TACC2: variants seen among roughly 807,000 people sequenced by gnomAD.
The protein encoded by TACC2 is transforming acidic coiled-coil containing protein 2.
TACC2 carries 137 observed loss-of-function variants against 227.3 expected under a neutral mutation model. The ratio of observed to expected loss-of-function variants is 0.60; its 90% CI spans 0.52 to 0.69. TACC2 has a LOEUF of 0.69. Ranked by LOEUF, TACC2 falls within the 30% of genes least tolerant of loss-of-function variation. The probability of loss-of-function intolerance (pLI) is 0.00; values close to 1 mark genes in which losing one functional copy is unlikely to be tolerated. For synonymous variants in TACC2, 1,523 were observed against 1,487.5 expected, an observed-to-expected ratio of 1.02 and a Z score of -0.55; for missense variants, 3,470 against 3,694.4, an observed-to-expected ratio of 0.94 and a Z score of 1.57.
chr10:122,101,932 C>T (rs537566719), intron 5 of TACC2, among the ~76,000 whole-genome samples: 5 of 151,826 alleles, frequency 3.3e-5, no homozygotes, highest in Admixed American at 6.6e-5. Context: ...GGTGCTTACC[C>T]GAGGCCTGCT....
intron 7 of TACC2, chr10:122,192,740 C>T (rs867659923): frequency 2.4e-5 from 11 of 456,548 alleles, no homozygotes; most frequent in East Asian, 2.1e-4. Flanking sequence ...ATGTGGACAG[C>T]GGTGACCAGC....
chr10:122,088,100 CT>C, intron 4 of TACC2, 141 bp downstream of exon 4: 1 of 911,798 alleles, frequency 1.1e-6, no homozygotes, highest in Non-Finnish European at 1.5e-6. Flanking sequence ...AATGAACCTG[CT>C]TACCCCCTCT....
At chr10:122,072,221 C>T (rs2078163755) in intron 3 of TACC2, among the ~76,000 whole-genome samples, 1 of 152,080 alleles carries the variant, frequency 6.6e-6, no homozygotes, top group Non-Finnish European at 1.5e-5. Context: ...TCCCAAAGTG[C>T]TGGGATTACA....
Position 122,194,821 on chromosome 10 carries a change from C to T in TACC2, c.5835-219C>T, listed in dbSNP as rs1183748950. ...GAGAAGCGTGTATTTCCAGTAGAGC[C>T]GAGTTCAAAGAATACATCATTTGTG... is the stretch of plus-strand genomic sequence containing the variant. On this transcript the variant is annotated intron_variant, in intron 7 of 22. Coordinates refer to ENST00000369005, the MANE Select transcript of TACC2 (RefSeq NM_206862.4). The surrounding 1 kb of genome is among the most constrained non-coding windows in gnomAD (Gnocchi z 4.4). Among the ~76,000 whole-genome samples the T allele has an allele frequency of 1.3e-5, 2 of 152,266 alleles. No homozygotes were observed. The highest frequency in any genetic ancestry group is 2.1e-4 in the South Asian group (1 of 4,830).
At chr10:122,068,006 G>T (rs2077574486) in intron 3 of TACC2, among the ~76,000 whole-genome samples, 1 of 152,062 alleles carries the variant, frequency 6.6e-6, no homozygotes, top group Non-Finnish European at 1.5e-5. Context: ...TGTTGTTGTT[G>T]TTATTTCTTT....
chr10:122,107,862 TTATA>T lies in TACC2; in HGVS notation c.5573+19287_5573+19290del, dbSNP rs1280958609. 4.3e-3 allele frequency among the ~76,000 whole-genome samples: 501 copies of T among 116,418 alleles called. 1 individual carries two copies. The highest frequency in any genetic ancestry group is 0.015 in the African/African-American group (484 of 32,664). The allele number at this position is 116,418 out of a possible 152,430, so 76.4% of individuals were successfully genotyped here. A position where few individuals can be genotyped will look rare whatever the true frequency, so the allele number is the denominator to read the frequency against. On this transcript the variant is annotated intron_variant, in intron 5 of 22. Transcript: ENST00000369005. ...CTTTCCCCCAAGACCCCAAAGTCCA[TTATA>T]TATATATATATATATTTTTTTTTTC...
intron 9 of TACC2, among the ~76,000 whole-genome samples, chr10:122,213,938 C>G (rs2095348417): frequency 6.6e-6 from 1 of 152,242 alleles, no homozygotes; most frequent in Non-Finnish European, 1.5e-5. Context: ...TGCCCCAGTC[C>G]TGCATCCTCA....
intron 1 of TACC2, 27 bp from the exon 2 acceptor site, chr10:122,021,910 A>T (rs979457811): frequency 2.9e-5 from 40 of 1,391,156 alleles, no homozygotes; most frequent in Non-Finnish European, 8.2e-6. Flanking sequence ...CATTTCACAG[A>T]CGTTTATACC....
At chr10:122,195,004 C>A in intron 7 of TACC2, 36 bp from the exon 8 acceptor site, 2 of 1,571,504 alleles carry the variant, frequency 1.3e-6, no homozygotes, top group Non-Finnish European at 8.7e-7. Context: ...TGGCTCTGGG[C>A]CCCTGTCTAA....
intron 11 of TACC2, among the ~76,000 whole-genome samples, chr10:122,222,452 A>T (rs1447953308): frequency 1.3e-5 from 2 of 152,172 alleles, no homozygotes; most frequent in Admixed American, 6.5e-5. Flanking sequence ...TCTGGGATTG[A>T]TGGGGAGGAG....
At chr10:121,992,349 G>A (rs1311897477) in intron 1 of TACC2, among the ~76,000 whole-genome samples, 1 of 152,202 alleles carries the variant, frequency 6.6e-6, no homozygotes, top group Non-Finnish European at 1.5e-5. Context: ...AAGTGCTAAT[G>A]TGAAAACACG....
rs369923777 is a variant in TACC2, at chr10:122,246,287, G to T, written c.8393-2356G>T. On this transcript the variant is annotated intron_variant, in intron 19 of 22. Transcript: ENST00000369005. ...AGAGTTTTTGGAAATGAGGTGCTGG[G>T]ACCCTAAGAGGTCAGAACTTTAGAG... is the stretch of plus-strand genomic sequence containing the variant. Among the ~76,000 whole-genome samples, 11 of 152,156 alleles carry T rather than the reference G, an allele frequency of 7.2e-5. No homozygotes were observed. In the East Asian group the frequency reaches 1.3e-3, roughly 19 times the overall value.
At chr10:122,075,081 A>G (rs915579471) in intron 3 of TACC2, among the ~76,000 whole-genome samples, 10 of 152,070 alleles carry the variant, frequency 6.6e-5, no homozygotes, top group Admixed American at 6.6e-4. Context: ...AATAGATGCC[A>G]CAGTCAGAGA....
chr10:122,148,164 C>G (rs529598068), intron 7 of TACC2, among the ~76,000 whole-genome samples: 2 of 143,006 alleles, frequency 1.4e-5, no homozygotes, highest in Non-Finnish European at 3.0e-5. Flanking sequence ...AGTGCAATGG[C>G]GTGATCTCTT....
chr10:122,161,269 C>A (rs1885516), intron 7 of TACC2, among the ~76,000 whole-genome samples: 135,418 of 152,188 alleles, frequency 0.89, 60,333 homozygotes, highest in African/African-American at 0.91. Context: ...TTTTGACAGC[C>A]GTGAGATGGT....
At chr10:122,031,556 C>G (rs1034833561) in intron 2 of TACC2, among the ~76,000 whole-genome samples, 7 of 151,566 alleles carry the variant, frequency 4.6e-5, no homozygotes, top group Admixed American at 2.0e-4. Flanking sequence ...AGGCGCCCAC[C>G]ACTGCGCCCG....
intron 5 of TACC2, among the ~76,000 whole-genome samples, chr10:122,117,384 G>A (rs1242524274): frequency 1.3e-5 from 2 of 151,844 alleles, no homozygotes; most frequent in Admixed American, 1.3e-4. Context: ...TAGTAGAGAC[G>A]GGGATTTGCC....
intron 7 of TACC2, among the ~76,000 whole-genome samples, chr10:122,193,661 C>G (rs1394952600): frequency 6.6e-6 from 1 of 152,174 alleles, no homozygotes; most frequent in Non-Finnish European, 1.5e-5. Context: ...TAATTAGCCC[C>G]CTCGTTGCAA....
intron 9 of TACC2, among the ~76,000 whole-genome samples, chr10:122,214,373 T>C (rs895050402): frequency 2.6e-5 from 4 of 152,190 alleles, no homozygotes; most frequent in Admixed American, 6.5e-5. Context: ...TAAATGCCAT[T>C]GTTGGAGTGA....
Sources: gnomAD v4.1 joint callset for allele counts (sites outside exome capture counted in the v4.1 genomes callset) on GRCh38, gnomAD v4.1.1 for gene constraint, Gnocchi (gnomAD v3.1) non-coding constraint, MANE v1.5 for transcripts, NCBI Gene and HGNC (gene_info 2026-07-23, HGNC 2026-07-21) for gene names.